The following MORC1 variants were observed in gnomAD, a reference collection of about 807,000 sequenced individuals.
MORC1 encodes the protein MORC family CW-type zinc finger protein 1.
A neutral mutation model predicts 134.9 loss-of-function variants in MORC1; 59 were observed. That is an observed-to-expected ratio of 0.44 (90% confidence interval 0.35 to 0.54). The LOEUF (loss-of-function observed/expected upper bound fraction) is 0.54, where lower values mean the gene tolerates loss of function less well. Among genes scored for constraint, MORC1 ranks in the 20% least tolerant of loss-of-function variants. MORC1 has a pLI of 0.00. For missense variants in MORC1, 947 were observed against 1,134.5 expected (o/e 0.83, Z 2.37); for synonymous variants, 395 against 391.7 (o/e 1.01, Z -0.10).
intron 14 of MORC1, among the ~76,000 whole-genome samples, chr3:109,053,160 A>G (rs903175118): frequency 6.6e-6 from 1 of 152,044 alleles, no homozygotes; most frequent in Admixed American, 6.5e-5. Context: ...GGACACTTAC[A>G]CAATGTTGGT....
rs13076176 is a variant in MORC1 at position 109,071,100 on chromosome 3, C to T, written c.690-1343G>A. On this transcript the variant is annotated intron_variant, in intron 8 of 27. Coordinates refer to ENST00000232603, the MANE Select transcript of MORC1 (RefSeq NM_014429.4). ...AACTGCACAATTAAGTATGTCCTCA[C>T]CTGATAAAAGAAACGGAAAGAAGTT... is the stretch of plus-strand genomic sequence containing the variant. 3.9e-5 allele frequency among the ~76,000 whole-genome samples: 6 copies of T among 152,084 alleles called. No individual in the cohort carries two copies. The East Asian group carries it at 7.7e-4, about 19-fold the overall frequency.
intron 14 of MORC1, among the ~76,000 whole-genome samples, chr3:109,036,409 T>C (rs1315551037): frequency 6.6e-6 from 1 of 152,186 alleles, no homozygotes. Context: ...TGGATATCTT[T>C]AGAGCAGAAA....
intron 20 of MORC1, 138 bp downstream of exon 20, chr3:109,004,672 TCAGAACC>T: frequency 2.6e-6 from 2 of 776,190 alleles, no homozygotes; most frequent in Non-Finnish European, 4.1e-6. Context: ...CCCAGTTTTT[TCAGAACC>T]TTGATTACAG....
chr3:109,089,831 T>C (rs1950681958), intron 8 of MORC1, among the ~76,000 whole-genome samples: 1 of 152,144 alleles, frequency 6.6e-6, no homozygotes, highest in African/African-American at 2.4e-5. Context: ...TGTTTCAAAC[T>C]CTTGATTTTC....
chr3:109,005,592 C>A (rs188115261), intron 18 of MORC1, among the ~76,000 whole-genome samples: 144 of 152,224 alleles, frequency 9.5e-4, no homozygotes, highest in Non-Finnish European at 1.2e-3. Context: ...TTCTGACTTT[C>A]CCCCAATAGA....
At chr3:108,978,684 G>C (rs375550338) in intron 24 of MORC1, among the ~76,000 whole-genome samples, 2 of 152,160 alleles carry the variant, frequency 1.3e-5, no homozygotes, top group African/African-American at 4.8e-5. Flanking sequence ...TGCTTCTACT[G>C]TTTGAGAACT....
At chr3:108,973,464 TC>T (rs1480111438) in intron 24 of MORC1, among the ~76,000 whole-genome samples, 14 of 152,128 alleles carry the variant, frequency 9.2e-5, no homozygotes, top group African/African-American at 3.4e-4. Flanking sequence ...AAGGAAGTAT[TC>T]CAGGCCACCT....
intron 14 of MORC1, among the ~76,000 whole-genome samples, chr3:109,049,697 T>C (rs558137021): frequency 6.6e-6 from 1 of 152,276 alleles, no homozygotes; most frequent in East Asian, 1.9e-4. Context: ...CATATTAATA[T>C]TTTTGTTAAA....
At chr3:109,015,782 G>GACATCCT (rs11281802) in intron 17 of MORC1, among the ~76,000 whole-genome samples, 1 of 151,344 alleles carries the variant, frequency 6.6e-6, no homozygotes, top group African/African-American at 2.4e-5. Context: ...GCTCTGCCAC[G>GACATCCT]CATAATCCTC....
At chr3:109,088,680 C>A (rs550706674) in intron 8 of MORC1, among the ~76,000 whole-genome samples, 1 of 152,126 alleles carries the variant, frequency 6.6e-6, no homozygotes, top group Non-Finnish European at 1.5e-5. Flanking sequence ...AAAAGTAGAA[C>A]TACCGTTCAA....
rs140991431 is a variant in MORC1, at chr3:109,105,860, G to A, written c.155-1943C>T. Among the ~76,000 whole-genome samples, 753 of 152,082 alleles carry A rather than the reference G, an allele frequency of 5.0e-3. 2 individuals carry two copies. The highest frequency in any genetic ancestry group is 0.01 in the Middle Eastern group (3 of 294). On this transcript the variant is annotated intron_variant, in intron 3 of 27. Transcript: ENST00000232603. ...TACTTCTTTGTCTGTAAACTTTTAGGATCCGGACTACCATTTCATTTTCCC... is the reference window on the plus strand; with the variant it reads ...TACTTCTTTGTCTGTAAACTTTTAGAATCCGGACTACCATTTCATTTTCCC...
chr3:109,056,231 A>G (rs561420893), intron 13 of MORC1, among the ~76,000 whole-genome samples: 6 of 152,022 alleles, frequency 3.9e-5, no homozygotes, highest in African/African-American at 1.2e-4. Flanking sequence ...GGTTTTATTT[A>G]TTTATTTATT....
intron 16 of MORC1, among the ~76,000 whole-genome samples, chr3:109,030,715 C>T (rs372515289): frequency 6.6e-6 from 1 of 152,202 alleles, no homozygotes; most frequent in Non-Finnish European, 1.5e-5. Context: ...CCACTCATCA[C>T]AAGTGGCACT....
intron 11 of MORC1, 68 bp downstream of exon 11, chr3:109,061,920 C>G: frequency 7.3e-7 from 1 of 1,369,388 alleles, no homozygotes; most frequent in Non-Finnish European, 1.0e-6. Flanking sequence ...TAAGAGACAA[C>G]TATGCACAGG....
At chr3:109,062,306 A>C (rs557216405) in intron 10 of MORC1, among the ~76,000 whole-genome samples, 2 of 152,308 alleles carry the variant, frequency 1.3e-5, no homozygotes, top group East Asian at 3.9e-4. Flanking sequence ...TTTTTAGCTG[A>C]CAGAAAATGC....
rs1553753581 is a variant in MORC1, at chr3:109,040,352, C to CAGAAAGAAAGAAAGAAAGAAAGAA, written c.1331-4885_1331-4884insTTCTTTCTTTCTTTCTTTCTTTCT. ...GACTGTCTCAAAGACACTCAAAGAA[C>CAGAAAGAAAGAAAGAAAGAAAGAA]TGAAAGAAAGAAAGAAAGAAAGAAA... On this transcript the variant is annotated intron_variant, in intron 14 of 27. Coordinates refer to ENST00000232603, the MANE Select transcript of MORC1 (RefSeq NM_014429.4). Among the ~76,000 whole-genome samples the CAGAAAGAAAGAAAGAAAGAAAGAA allele has an allele frequency of 2.7e-3, 96 of 35,950 alleles. 11 individuals carry two copies. The highest frequency in any genetic ancestry group is 4.4e-3 in the Admixed American group (11 of 2,524). 23.6% of individuals were successfully genotyped at this position (35,950 alleles called of 152,430 possible). A position where few individuals can be genotyped will look rare whatever the true frequency, so the allele number is the denominator to read the frequency against.
intron 8 of MORC1, among the ~76,000 whole-genome samples, chr3:109,080,621 A>G (rs1423528101): frequency 1.3e-5 from 2 of 152,254 alleles, no homozygotes; most frequent in Non-Finnish European, 2.9e-5. Flanking sequence ...TAAGTGTGCC[A>G]GTTCTCTCCC....
At chr3:109,015,979 A>G (rs1336651089) in intron 17 of MORC1, among the ~76,000 whole-genome samples, 1 of 152,190 alleles carries the variant, frequency 6.6e-6, no homozygotes, top group Admixed American at 6.5e-5. Flanking sequence ...TTAGTTATCT[A>G]GGGAACCCAA....
At chr3:108,969,290 A>G (rs1947306639) in intron 26 of MORC1, among the ~76,000 whole-genome samples, 1 of 152,202 alleles carries the variant, frequency 6.6e-6, no homozygotes, top group Non-Finnish European at 1.5e-5. Context: ...CTTAAAAACT[A>G]TTGATAAGGT....
Sources: allele counts gnomAD v4.1 joint callset (sites outside exome capture counted in the v4.1 genomes callset), GRCh38; gene constraint gnomAD v4.1.1; transcripts MANE v1.5; gene names NCBI Gene and HGNC (gene_info 2026-07-23, HGNC 2026-07-21).